BSN: variants seen among roughly 807,000 people sequenced by gnomAD.
BSN encodes the protein bassoon presynaptic cytomatrix protein.
BSN carries 57 observed loss-of-function variants against 264.8 expected under a neutral mutation model. The ratio of observed to expected loss-of-function variants is 0.22; its 90% CI spans 0.17 to 0.27. BSN has a LOEUF of 0.27. Ranked by LOEUF, BSN falls within the 10% of genes least tolerant of loss-of-function variation. The pLI is 1.00. For synonymous variants in BSN, 2,059 were observed against 2,137.3 expected (o/e 0.96, Z 1.01); for missense variants, 4,615 against 5,232.5 (o/e 0.88, Z 3.64).
Position 49,656,425 on chromosome 3 carries a change from C to T in BSN, c.6869C>T (p.Ala2290Val), listed in dbSNP as rs575208090. The T allele has an allele frequency of 6.3e-7, 1 of 1,589,530 alleles. No individual in the cohort carries two copies. Among genetic ancestry groups the T allele is most frequent in the Admixed American group, 1.8e-5 (1 of 57,088 alleles). The change falls in exon 5 of 12, where the codon GCC becomes GTC. Residue 2290 changes from alanine to valine, a missense_variant. Ala to Val is a moderately conservative substitution (Grantham distance 64). Around this residue, in one of 3 missense-constraint regions of BSN, gnomAD observed 3,415 missense variants for 3,866.4 expected, o/e 0.88. Coordinates refer to ENST00000296452, the MANE Select transcript of BSN (RefSeq NM_003458.4). ...VYLGKPAAAK[A>V]PGAGGPSRPE... ...CTGGGGAAACCTGCTGCTGCCAAGGCCCCTGGGGCTGGGGGCCCTTCAAGG... is the reference window on the plus strand; with the variant it reads ...CTGGGGAAACCTGCTGCTGCCAAGGTCCCTGGGGCTGGGGGCCCTTCAAGG...
Position 49,653,604 on chromosome 3 carries a change from A to G in BSN, c.4048A>G (p.Thr1350Ala). The change falls in exon 5 of 12, where the codon ACT (threonine) becomes GCT (alanine). Residue 1350 changes from threonine (T) to alanine (A), a missense_variant. Transcript: ENST00000296452. The surrounding 1 kb of genome is among the most constrained non-coding windows in gnomAD (Gnocchi z 6.3). ...TGTCACTCAGCATTTTGCAAAGGAG[A>G]CTCAGGACCCCCTCAAGCTGCACAG... ...VRVTQHFAKE[T>A]QDPLKLHSSP... 1 of 1,613,214 alleles carries G rather than the reference A, an allele frequency of 6.2e-7. No individual in the cohort carries two copies.
chr3:49,576,309 T>G (rs2051845233), intron 1 of BSN, among the ~76,000 whole-genome samples: 1 of 152,200 alleles, frequency 6.6e-6, no homozygotes, highest in Admixed American at 6.5e-5. Context: ...TTCCAGGCTC[T>G]TGTCTCCCTT....
chr3:49,613,481 T>TTTA (rs1305668686), intron 1 of BSN, among the ~76,000 whole-genome samples: 12 of 151,174 alleles, frequency 7.9e-5, no homozygotes, highest in Admixed American at 1.3e-4. Context: ...TGTTCAAGTT[T>TTTA]TTATTATTAT....
Position 49,660,829 on chromosome 3 carries a change from G to A in BSN, c.8984G>A (p.Gly2995Asp). The change falls in exon 6 of 12, where the codon GGT (glycine) becomes GAT (aspartate). Residue 2995 changes from glycine (G) to aspartate (D), a missense_variant. By Grantham distance (94) the Gly-to-Asp change is moderately conservative. Transcript: ENST00000296452. The surrounding 1 kb of genome is among the most constrained non-coding windows in gnomAD (Gnocchi z 7.1). ...QRKESLAKDR[G>D]GRDYPPLRGL... is the part of the protein sequence containing the mutation. The stretch of plus-strand genomic sequence containing the variant: ...AAAGAGTCTTTGGCCAAAGACCGGG[G>A]TGGCCGTGACTACCCACCCTTGCGT... 4 of 1,612,926 alleles carry A rather than the reference G, an allele frequency of 2.5e-6. No individual in the cohort carries two copies. The highest frequency in any genetic ancestry group is 3.4e-6 in the Non-Finnish European group (4 of 1,180,020).
chr3:49,642,455 C>A lies in BSN; in HGVS notation c.821C>A (p.Pro274His), dbSNP rs1047157198. Reference sequence around the variant, plus strand: ...TCTCGGGGCCCAGGAGGACCACAGCCTGGGTCCCGCCAGGCTGAGACAGCC... The same window carrying A: ...TCTCGGGGCCCAGGAGGACCACAGCATGGGTCCCGCCAGGCTGAGACAGCC... The part of the protein sequence containing the change: ...ERSRGPGGPQ[P>H]GSRQAETARA... Residue 274 changes from proline to histidine, a missense_variant, in exon 3 of 12, where the codon CCT (proline) becomes CAT (histidine). Physicochemically the swap from Pro to His is moderately conservative, Grantham distance 77. Transcript: ENST00000296452. The surrounding 1 kb of genome is among the most constrained non-coding windows in gnomAD (Gnocchi z 7.0). 61 of 1,590,728 alleles carry A rather than the reference C, an allele frequency of 3.8e-5. No individual in the cohort carries two copies. The highest frequency in any genetic ancestry group is 3.3e-4 in the Middle Eastern group (2 of 5,980).
chr3:49,575,560 A>G (rs975793711), intron 1 of BSN, among the ~76,000 whole-genome samples: 6 of 147,576 alleles, frequency 4.1e-5, no homozygotes, highest in African/African-American at 1.5e-4. Flanking sequence ...AGATGTAAAT[A>G]TATATGCGTA....
intron 1 of BSN, among the ~76,000 whole-genome samples, chr3:49,608,801 C>T (rs1019754706): frequency 1.3e-5 from 2 of 150,770 alleles, no homozygotes; most frequent in East Asian, 3.9e-4. Context: ...GCACTCTAGC[C>T]TGGGTGATAG....
chr3:49,565,809 A>G (rs921810345), intron 1 of BSN, among the ~76,000 whole-genome samples: 2 of 152,192 alleles, frequency 1.3e-5, no homozygotes, highest in Non-Finnish European at 2.9e-5. Context: ...TCCAAAAATG[A>G]CATTTTATTT....
intron 1 of BSN, among the ~76,000 whole-genome samples, chr3:49,597,448 C>A (rs2052032725): frequency 6.6e-6 from 1 of 152,258 alleles, no homozygotes; most frequent in East Asian, 1.9e-4. Context: ...CCCCTCTCCC[C>A]ACCTGCCAGT....
intron 11 of BSN, among the ~76,000 whole-genome samples, chr3:49,666,193 C>G (rs931098015): frequency 6.6e-6 from 1 of 152,246 alleles, no homozygotes; most frequent in Admixed American, 6.5e-5. Flanking sequence ...ATGGCGGGGC[C>G]TGGCGGTCAG....
At chr3:49,593,494 G>T (rs1428856618) in intron 1 of BSN, among the ~76,000 whole-genome samples, 1 of 152,142 alleles carries the variant, frequency 6.6e-6, no homozygotes, top group Non-Finnish European at 1.5e-5. Flanking sequence ...CAGATTGATT[G>T]TGCCATTTAT....
chr3:49,554,588 GC>G lies in BSN; in HGVS notation c.-12del. ...GCGCAGCGCGACCCCGACCCCGCCC[GC>G]CCGCCTGCCCGCCATGGGCAACGAG... is the stretch of plus-strand genomic sequence containing the variant. On this transcript the variant is annotated 5_prime_UTR_variant, in exon 1 of 12. Coordinates refer to ENST00000296452, the MANE Select transcript of BSN (RefSeq NM_003458.4). The G allele has an allele frequency of 1.2e-6, 1 of 845,388 alleles. No homozygotes were observed. Among genetic ancestry groups the G allele is most frequent in the Non-Finnish European group, 1.4e-6 (1 of 703,894 alleles). The allele number at this position is 845,388 out of a possible 1,614,324, so 52.4% of individuals were successfully genotyped here.
chr3:49,625,111 G>A lies in BSN; in HGVS notation c.361G>A (p.Glu121Lys). ...AAGGGCACAGGGACCAGCAGGCCAG[G>A]AGGCTGATGGTCCCCGCAGGACGCT... ...ETRAQGPAGQ[E>K]ADGPRRTLQV... Residue 121 changes from glutamate to lysine, a missense_variant, in exon 2 of 12, where the codon GAG becomes AAG. By Grantham distance (56) the Glu-to-Lys change is moderately conservative. Around this residue, in one of 3 missense-constraint regions of BSN, gnomAD observed 1,197 missense variants for 1,348.0 expected, o/e 0.89. Coordinates refer to ENST00000296452, the MANE Select transcript of BSN (RefSeq NM_003458.4). This position sits in a 1 kb window ranked among gnomAD's most constrained non-coding sequence, Gnocchi z 4.4. The A allele has an allele frequency of 4.4e-6, 7 of 1,603,552 alleles. No individual in the cohort carries two copies. Among genetic ancestry groups the A allele is most frequent in the Non-Finnish European group, 6.0e-6 (7 of 1,175,158 alleles).
rs866761994 is a variant in BSN, at chr3:49,575,658, G to A, written c.224+20832G>A. Among the ~76,000 whole-genome samples the A allele has an allele frequency of 6.8e-4, 96 of 141,634 alleles. 1 individual carries two copies. The highest frequency in any genetic ancestry group is 1.0e-3 in the Non-Finnish European group (67 of 65,920). The allele number at this position is 141,634 out of a possible 152,430, so 92.9% of individuals were successfully genotyped here. On this transcript the variant is annotated intron_variant, in intron 1 of 11. Transcript: ENST00000296452. ...TATGTATATATATGTGTGTGTGTGT[G>A]TATATATATATATATATATACAAGT...
Position 49,653,805 on chromosome 3 carries a change from C to T in BSN, c.4249C>T (p.His1417Tyr), listed in dbSNP as rs1285975251. 4.3e-6 allele frequency: 7 copies of T among 1,614,016 alleles called. No individual in the cohort carries two copies. In the Admixed American group the frequency reaches 5.0e-5, roughly 12 times the overall value. Residue 1417 changes from histidine to tyrosine, a missense_variant, in exon 5 of 12, where the codon CAC becomes TAC. Physicochemically the swap from His to Tyr is moderately conservative, Grantham distance 83 (BLOSUM62 2). Coordinates refer to ENST00000296452, the MANE Select transcript of BSN (RefSeq NM_003458.4). The surrounding 1 kb of genome is among the most constrained non-coding windows in gnomAD (Gnocchi z 6.3). The stretch of plus-strand genomic sequence containing the variant: ...TAGTCCTTCACCATCTTCCACAGCC[C>T]ACAGCTATGGACACAGCCCAACCAC... ...ERSPSPSSTA[H>Y]SYGHSPTTAN...
rs2052730587 is a variant in BSN at position 49,668,732 on chromosome 3, G to A, written c.*1247G>A. ...GGCCCAGAGCCCTGTGCGGGGGAAT[G>A]TGGCACTGTCTATCCATCCGGTGGA... On this transcript the variant is annotated 3_prime_UTR_variant, in exon 12 of 12. Coordinates refer to ENST00000296452, the MANE Select transcript of BSN (RefSeq NM_003458.4). 6.6e-6 allele frequency: 1 copy of A among 152,666 alleles called. No individual in the cohort carries two copies. The highest frequency in any genetic ancestry group is 2.4e-5 in the African/African-American group (1 of 41,460). The allele number at this position is 152,666 out of a possible 1,614,324, so 9.5% of individuals were successfully genotyped here.
intron 1 of BSN, among the ~76,000 whole-genome samples, chr3:49,570,258 T>G (rs1204405153): frequency 6.6e-6 from 1 of 151,990 alleles, no homozygotes; most frequent in East Asian, 1.9e-4. Context: ...CCAGGGCACT[T>G]TTGGGGAGCT....
rs1400728942 is a variant in BSN, at chr3:49,653,303, A to C, written c.3747A>C (p.Pro1249=). The C allele has an allele frequency of 6.2e-7, 1 of 1,612,422 alleles. No individual in the cohort carries two copies. The highest frequency in any genetic ancestry group is 2.2e-5 in the East Asian group (1 of 44,862). ...CTCAGCCTGCCGCAGAGGGCACGCC[A>C]GCCAGCCTGGGAGCAGCCGTGTACG... ...QAAQPAAEGT[P]ASLGAAVYEE... is the part of the protein sequence containing the mutation. The change falls in exon 5 of 12, where the codon CCA becomes CCC. Residue 1249 remains proline, a synonymous_variant. Coordinates refer to ENST00000296452, the MANE Select transcript of BSN (RefSeq NM_003458.4). This position sits in a 1 kb window ranked among gnomAD's most constrained non-coding sequence, Gnocchi z 6.3.
chr3:49,614,764 T>G (rs977636774), intron 1 of BSN, among the ~76,000 whole-genome samples: 1 of 152,208 alleles, frequency 6.6e-6, no homozygotes, highest in Non-Finnish European at 1.5e-5. Flanking sequence ...AAGTTACCCT[T>G]ATGTTACCCT....
Sources: gnomAD v4.1 joint callset for allele counts (sites outside exome capture counted in the v4.1 genomes callset) on GRCh38, gnomAD v4.1.1 for gene constraint, gnomAD v4.1.1 regional missense constraint, Gnocchi (gnomAD v3.1) non-coding constraint, MANE v1.5 for transcripts, NCBI Gene and HGNC (gene_info 2026-07-23, HGNC 2026-07-21) for gene names.